Variants in ARPP19 observed in about 807,000 individuals in gnomAD.
ARPP19 encodes the protein cAMP regulated phosphoprotein 19.
A neutral mutation model predicts 12.0 loss-of-function variants in ARPP19; 8 were observed. The observed-to-expected ratio is 0.67, with a 90% CI of 0.39 to 1.21. ARPP19 has a LOEUF of 1.21. Ranked by LOEUF, ARPP19 falls within the 50% of genes most tolerant of loss-of-function variation. The probability of loss-of-function intolerance (pLI) is 0.01; values close to 1 mark genes in which losing one functional copy is unlikely to be tolerated. For missense variants in ARPP19, 102 were observed against 136.3 expected, an observed-to-expected ratio of 0.75 and a Z score of 1.25; for synonymous variants, 47 against 50.4, an observed-to-expected ratio of 0.93 and a Z score of 0.29.
At position 52,547,501 on chromosome 15, in the gene ARPP19, T is replaced by C. The variant is rs1375447200; in HGVS notation, c.*4433A>G. ...TGTTTTTTTCCAACTGCGATTTAGT[T>C]GAAAAATAACATAATACAAACATAT... On this transcript the variant is annotated 3_prime_UTR_variant, in exon 3 of 3. Transcript: ENST00000249822. 2.0e-5 allele frequency: 3 copies of C among 152,170 alleles called. No homozygotes were observed. The highest frequency in any genetic ancestry group is 4.4e-5 in the Non-Finnish European group (3 of 68,026). The allele number at this position is 152,170 out of a possible 1,614,324, so 9.4% of individuals were successfully genotyped here.
At position 52,568,831 on chromosome 15, in the gene ARPP19, A is replaced by C. The variant is rs2078112715; in HGVS notation, c.45+17T>G. The C allele has an allele frequency of 6.4e-7, 1 of 1,563,464 alleles. No individual in the cohort carries two copies. The highest frequency in any genetic ancestry group is 1.9e-5 in the Admixed American group (1 of 52,776). Reference sequence around the variant, plus strand: ...CGGCCTTGGGCAGGGCCCAGGGCTCACGCCCCGCGCGCTCACCTTCTGCTC... The same window carrying C: ...CGGCCTTGGGCAGGGCCCAGGGCTCCCGCCCCGCGCGCTCACCTTCTGCTC... On this transcript the variant is annotated intron_variant, in intron 1 of 2. Coordinates refer to ENST00000249822, the MANE Select transcript of ARPP19 (RefSeq NM_006628.6).
chr15:52,552,213 C>T (rs1394213470), intron 2 of ARPP19, 109 bp from the exon 3 acceptor site: 1 of 656,712 alleles, frequency 1.5e-6, no homozygotes, highest in Non-Finnish European at 2.7e-6. Flanking sequence ...AGAATTTAAA[C>T]AGGAATATTA....
intron 1 of ARPP19, among the ~76,000 whole-genome samples, chr15:52,560,138 G>T (rs533952343): frequency 6.6e-6 from 1 of 151,986 alleles, no homozygotes; most frequent in Non-Finnish European, 1.5e-5. Flanking sequence ...ATATATAAAG[G>T]AAAATACCTT....
intron 1 of ARPP19, among the ~76,000 whole-genome samples, chr15:52,565,841 C>T (rs576572565): frequency 5.3e-5 from 8 of 152,108 alleles, no homozygotes; most frequent in Non-Finnish European, 1.2e-4. Flanking sequence ...TGTATTTAAT[C>T]TGTTTTAGTT....
intron 2 of ARPP19, 38 bp from the exon 3 acceptor site, chr15:52,552,142 A>G (rs1377111584): frequency 1.2e-5 from 15 of 1,289,020 alleles, no homozygotes; most frequent in Non-Finnish European, 1.5e-5. Context: ...ATTAGAGCTT[A>G]GCAATTACTG....
chr15:52,565,992 C>CTACA (rs1428068936), intron 1 of ARPP19, among the ~76,000 whole-genome samples: 2 of 151,888 alleles, frequency 1.3e-5, no homozygotes, highest in Non-Finnish European at 2.9e-5. Flanking sequence ...GTAGCTGGAA[C>CTACA]TACAGGTGCG....
At chr15:52,564,513 A>T (rs984202016) in intron 1 of ARPP19, among the ~76,000 whole-genome samples, 1 of 152,360 alleles carries the variant, frequency 6.6e-6, no homozygotes, top group Admixed American at 6.5e-5. Context: ...AAATACTGGA[A>T]GCATGGGAAA....
At position 52,550,414 on chromosome 15, in the gene ARPP19, A is replaced by G. The variant is rs2077918378; in HGVS notation, c.*1520T>C. ...GTCATAATTCCTAAAATAATTTACC[A>G]AAATTCAGCTCATCTTGACATAGGT... On this transcript the variant is annotated 3_prime_UTR_variant, in exon 3 of 3. Coordinates refer to ENST00000249822, the MANE Select transcript of ARPP19 (RefSeq NM_006628.6). 6.6e-6 allele frequency: 1 copy of G among 152,266 alleles called. No individual in the cohort carries two copies. The highest frequency in any genetic ancestry group is 1.5e-5 in the Non-Finnish European group (1 of 68,046). The allele number at this position is 152,266 out of a possible 1,614,324, so 9.4% of individuals were successfully genotyped here.
In ARPP19 at chr15:52,551,168, AATT is replaced by A. The variant is rs1327742478; in HGVS notation, c.*763_*765del. 2.6e-5 allele frequency: 4 copies of A among 152,812 alleles called. No homozygotes were observed. Among genetic ancestry groups the A allele is most frequent in the Non-Finnish European group, 5.9e-5 (4 of 68,050 alleles). The allele number at this position is 152,812 out of a possible 1,614,324, so 9.5% of individuals were successfully genotyped here. The stretch of plus-strand genomic sequence containing the variant: ...CATTATCTACTTTTTAAGTATGTGA[AATT>A]AATACAGACATTTGTGAGAGGTTGT... On this transcript the variant is annotated 3_prime_UTR_variant, in exon 3 of 3. Transcript: ENST00000249822.
Position 52,550,226 on chromosome 15 carries a change from C to T in ARPP19, c.*1708G>A, listed in dbSNP as rs1452985723. On this transcript the variant is annotated 3_prime_UTR_variant, in exon 3 of 3. Transcript: ENST00000249822. ...CTCCTACAAGAGCAGTAAACTTGTC[C>T]CAGTAAAGTCTGCTAAGTTCTAACT... The T allele has an allele frequency of 6.6e-6, 1 of 152,082 alleles. No individual in the cohort carries two copies. Among genetic ancestry groups the T allele is most frequent in the African/African-American group, 2.4e-5 (1 of 41,380 alleles). The allele number at this position is 152,082 out of a possible 1,614,324, so 9.4% of individuals were successfully genotyped here. A position where few individuals can be genotyped will look rare whatever the true frequency, so the allele number is the denominator to read the frequency against.
intron 1 of ARPP19, among the ~76,000 whole-genome samples, chr15:52,562,703 A>G (rs927549728): frequency 3.9e-5 from 6 of 152,240 alleles, no homozygotes; most frequent in Middle Eastern, 3.4e-3. Context: ...TCAAGGGCTT[A>G]TATCAGAGAA....
chr15:52,568,492 T>A, intron 1 of ARPP19: 1 of 218,728 alleles, frequency 4.6e-6, no homozygotes, highest in Non-Finnish European at 8.9e-6. Context: ...AGTTGGAGAG[T>A]TCTTCAAAGG....
chr15:52,559,154 T>C (rs1159886858), intron 1 of ARPP19, among the ~76,000 whole-genome samples: 1 of 152,204 alleles, frequency 6.6e-6, no homozygotes, highest in Non-Finnish European at 1.5e-5. Flanking sequence ...ATTTATGTTA[T>C]CTCTTTACAG....
chr15:52,566,970 G>T (rs1414598370), intron 1 of ARPP19, among the ~76,000 whole-genome samples: 1 of 152,248 alleles, frequency 6.6e-6, no homozygotes, highest in Admixed American at 6.5e-5. Flanking sequence ...AACTATAAAG[G>T]TATTTTTAGC....
rs906769678 is a variant in ARPP19 at position 52,549,903 on chromosome 15, A to G, written c.*2031T>C. 1 of 152,676 alleles carries G rather than the reference A, an allele frequency of 6.5e-6. No homozygotes were observed. Among genetic ancestry groups the G allele is most frequent in the Non-Finnish European group, 1.5e-5 (1 of 68,040 alleles). 9.5% of individuals were successfully genotyped at this position (152,676 alleles called of 1,614,324 possible). On this transcript the variant is annotated 3_prime_UTR_variant, in exon 3 of 3. Transcript: ENST00000249822. ...TGATCTTTACATTACAAATGACCAC[A>G]GCAGTGACTGTGTTGCTTTTCTGCC...
intron 2 of ARPP19, among the ~76,000 whole-genome samples, chr15:52,553,508 T>C (rs965457142): frequency 2.0e-5 from 3 of 152,194 alleles, no homozygotes; most frequent in Non-Finnish European, 4.4e-5. Flanking sequence ...GTGCCTGCTA[T>C]ATGTGAGGCA....
chr15:52,561,545 C>T (rs910324143), intron 1 of ARPP19, among the ~76,000 whole-genome samples: 1 of 152,022 alleles, frequency 6.6e-6, no homozygotes, highest in African/African-American at 2.4e-5. Context: ...GGTTTATAAT[C>T]TTAATTTTTA....
chr15:52,566,314 A>G (rs1045285809), intron 1 of ARPP19, among the ~76,000 whole-genome samples: 2 of 151,816 alleles, frequency 1.3e-5, no homozygotes, highest in African/African-American at 4.8e-5. Context: ...GTGGGCCACC[A>G]TGCCTGGCTA....
intron 1 of ARPP19, among the ~76,000 whole-genome samples, chr15:52,562,737 T>C (rs1426866640): frequency 6.6e-6 from 1 of 152,014 alleles, no homozygotes; most frequent in South Asian, 2.1e-4. Flanking sequence ...CAATGAGCGA[T>C]GCATCCAATT....
Sources: gnomAD v4.1 joint callset for allele counts (sites outside exome capture counted in the v4.1 genomes callset) on GRCh38, gnomAD v4.1.1 for gene constraint, MANE v1.5 for transcripts, NCBI Gene and HGNC (gene_info 2026-07-23, HGNC 2026-07-21) for gene names.